The following CHRM3 variants were observed in gnomAD, a reference collection of about 807,000 sequenced individuals.
CHRM3 encodes the protein muscarinic acetylcholine receptor M3.
In CHRM3, 11 loss-of-function variants were observed where a neutral mutation model predicts 41.8. That is an observed-to-expected ratio of 0.26 (90% CI 0.17 to 0.44). The LOEUF (loss-of-function observed/expected upper bound fraction) is 0.44, where lower values mean the gene tolerates loss of function less well. Ranked by LOEUF, CHRM3 falls within the 20% of genes least tolerant of loss-of-function variation. The probability of loss-of-function intolerance (pLI) is 1.00; values close to 1 mark genes in which losing one functional copy is unlikely to be tolerated. For synonymous variants in CHRM3, 297 were observed against 301.4 expected (o/e 0.99, Z 0.15); for missense variants, 571 against 745.4 (o/e 0.77, Z 2.72).
intron 3 of CHRM3, among the ~76,000 whole-genome samples, chr1:239,594,352 A>T (rs2148655491): frequency 6.6e-6 from 1 of 152,228 alleles, no homozygotes; most frequent in East Asian, 1.9e-4. Flanking sequence ...GTATCACAAG[A>T]TGCACTGGCA....
intron 3 of CHRM3, among the ~76,000 whole-genome samples, chr1:239,600,783 CTTCCTTCCTTTTCT>C (rs993512972): frequency 6.8e-5 from 10 of 147,604 alleles, no homozygotes; most frequent in African/African-American, 2.0e-4. Flanking sequence ...TCTTCTTTTC[CTTCCTTCCTTTTCT>C]TTCCTTCCTT....
At chr1:239,658,270 A>G (rs1672891899) in intron 4 of CHRM3, among the ~76,000 whole-genome samples, 1 of 152,190 alleles carries the variant, frequency 6.6e-6, no homozygotes, top group Non-Finnish European at 1.5e-5. Context: ...GACTGACAAT[A>G]CAATTCTGAT....
intron 4 of CHRM3, among the ~76,000 whole-genome samples, chr1:239,633,452 G>A (rs569993942): frequency 9.2e-5 from 14 of 152,236 alleles, no homozygotes; most frequent in African/African-American, 2.6e-4. Context: ...ATTACGGTTC[G>A]AGATGATATT....
chr1:239,659,102 T>C (rs1672967941), intron 4 of CHRM3, among the ~76,000 whole-genome samples: 1 of 152,196 alleles, frequency 6.6e-6, no homozygotes, highest in African/African-American at 2.4e-5. Context: ...TTCTTCATTC[T>C]CAGTGGTTGT....
chr1:239,724,018 G>A (rs1663210228), intron 5 of CHRM3, among the ~76,000 whole-genome samples: 1 of 151,776 alleles, frequency 6.6e-6, no homozygotes, highest in South Asian at 2.1e-4. Flanking sequence ...AAGCTGTACA[G>A]CCTCTGGTAT....
At chr1:239,603,362 C>A (rs940469949) in intron 3 of CHRM3, among the ~76,000 whole-genome samples, 38 of 152,158 alleles carry the variant, frequency 2.5e-4, no homozygotes, top group African/African-American at 8.7e-4. Flanking sequence ...TAAAAAATAT[C>A]TAAGTTTTTC....
intron 5 of CHRM3, among the ~76,000 whole-genome samples, chr1:239,809,757 C>G (rs1431034117): frequency 1.3e-5 from 2 of 152,134 alleles, no homozygotes; most frequent in Non-Finnish European, 2.9e-5. Context: ...CCTCGGCCTC[C>G]CAAAGTGCCA....
At chr1:239,899,403 A>G (rs1679309039) in intron 6 of CHRM3, among the ~76,000 whole-genome samples, 1 of 151,504 alleles carries the variant, frequency 6.6e-6, no homozygotes. Flanking sequence ...ACATATACAC[A>G]CATATACATA....
chr1:239,456,408 A>G (rs1470270390), intron 1 of CHRM3, among the ~76,000 whole-genome samples: 4 of 152,188 alleles, frequency 2.6e-5, no homozygotes, highest in African/African-American at 9.7e-5. Context: ...ACAGTTACCT[A>G]CATTATTCAG....
intron 5 of CHRM3, among the ~76,000 whole-genome samples, chr1:239,766,991 C>T (rs917728924): frequency 6.6e-6 from 1 of 152,172 alleles, no homozygotes; most frequent in Non-Finnish European, 1.5e-5. Context: ...GGATTACAGG[C>T]ATGAACCACC....
rs1469628202 is a variant in CHRM3, at chr1:239,387,496, A to C, written c.-521+269A>C. On this transcript the variant is annotated intron_variant, in intron 1 of 6. Transcript: ENST00000676153. This position sits in a 1 kb window ranked among gnomAD's most constrained non-coding sequence, Gnocchi z 5.1. ...GGGTGGGGAACGCCCGCTGGCACTC[A>C]AGTGCCCCGAAAGGGACGGGAATCA... is the stretch of plus-strand genomic sequence containing the variant. Among the ~76,000 whole-genome samples, 1 of 151,920 alleles carries C rather than the reference A, an allele frequency of 6.6e-6. No homozygotes were observed. The highest frequency in any genetic ancestry group is 1.5e-5 in the Non-Finnish European group (1 of 67,986).
intron 2 of CHRM3, among the ~76,000 whole-genome samples, chr1:239,530,049 C>A (rs1288885645): frequency 6.6e-6 from 1 of 152,070 alleles, no homozygotes; most frequent in Non-Finnish European, 1.5e-5. Flanking sequence ...AGGTGCCCGC[C>A]ACCATGCCCA....
intron 1 of CHRM3, among the ~76,000 whole-genome samples, chr1:239,463,337 A>G (rs1462989631): frequency 6.6e-6 from 1 of 152,124 alleles, no homozygotes; most frequent in Non-Finnish European, 1.5e-5. Context: ...GCCCTGAATG[A>G]CTTTCCTGAC....
At chr1:239,545,198 A>G (rs751976124) in intron 2 of CHRM3, among the ~76,000 whole-genome samples, 9 of 152,184 alleles carry the variant, frequency 5.9e-5, no homozygotes, top group Non-Finnish European at 1.3e-4. Context: ...ACTGTGTAGT[A>G]TGTCCGTGTG....
chr1:239,784,549 G>A (rs996659907), intron 5 of CHRM3, among the ~76,000 whole-genome samples: 4 of 151,948 alleles, frequency 2.6e-5, no homozygotes, highest in African/African-American at 9.7e-5. Context: ...CCTCCCTCCT[G>A]TCCCCTATAT....
At chr1:239,614,375 C>T (rs1445438690) in intron 3 of CHRM3, among the ~76,000 whole-genome samples, 1 of 152,106 alleles carries the variant, frequency 6.6e-6, no homozygotes, top group African/African-American at 2.4e-5. Context: ...AAAGTGGCTG[C>T]TTATTTTTAA....
rs1663004465 is a variant in CHRM3, at chr1:239,433,640, C to A, written c.-521+46413C>A. ...CACCCTTCCCCCAAGTTCCCAAAGTCCATTGTATCATTCTTATGCCTTTGC... is the reference window on the plus strand; with the variant it reads ...CACCCTTCCCCCAAGTTCCCAAAGTACATTGTATCATTCTTATGCCTTTGC... On this transcript the variant is annotated intron_variant, in intron 1 of 6. Coordinates refer to ENST00000676153, the MANE Select transcript of CHRM3 (RefSeq NM_001375978.1). Among the ~76,000 whole-genome samples, 2 of 147,630 alleles carry A rather than the reference C, an allele frequency of 1.4e-5. 1 individual carries two copies. Among genetic ancestry groups the A allele is most frequent in the Admixed American group, 1.3e-4 (2 of 14,840 alleles).
At chr1:239,787,583 C>A (rs1572291044) in intron 5 of CHRM3, among the ~76,000 whole-genome samples, 1 of 152,000 alleles carries the variant, frequency 6.6e-6, no homozygotes, top group African/African-American at 2.4e-5. Flanking sequence ...AAGGTCCTTG[C>A]GACATTAGGA....
intron 3 of CHRM3, among the ~76,000 whole-genome samples, chr1:239,588,267 G>T (rs755188403): frequency 6.6e-6 from 1 of 152,156 alleles, no homozygotes; most frequent in Non-Finnish European, 1.5e-5. Context: ...ATCAGCCTCC[G>T]CATGGTTCTG....
Sources: allele counts gnomAD v4.1 joint callset (sites outside exome capture counted in the v4.1 genomes callset), GRCh38; gene constraint gnomAD v4.1.1; non-coding constraint Gnocchi (gnomAD v3.1); transcripts MANE v1.5; gene names NCBI Gene and HGNC (gene_info 2026-07-23, HGNC 2026-07-21).